Variants in SELP observed in about 807,000 individuals in gnomAD.
The protein encoded by SELP is selectin P.
A neutral mutation model predicts 104.1 loss-of-function variants in SELP; 92 were observed. That is an observed-to-expected ratio of 0.88 (90% confidence interval 0.75 to 1.05). The LOEUF is 1.05. Among genes scored for constraint, SELP ranks in the 50% least tolerant of loss-of-function variants. SELP has a pLI of 0.00. For synonymous variants in SELP, 397 were observed against 364.5 expected, an observed-to-expected ratio of 1.09 and a Z score of -1.01; for missense variants, 1,022 against 1,017.3, an observed-to-expected ratio of 1.00 and a Z score of -0.06.
At chr1:169,620,062 G>A (rs1663016714) in intron 1 of SELP, among the ~76,000 whole-genome samples, 1 of 152,022 alleles carries the variant, frequency 6.6e-6, no homozygotes, top group Non-Finnish European at 1.5e-5. Flanking sequence ...AAAAAAATTA[G>A]ACAGGTGTGG....
intron 3 of SELP, among the ~76,000 whole-genome samples, chr1:169,616,087 G>T (rs1042715471): frequency 6.6e-6 from 1 of 152,158 alleles, no homozygotes; most frequent in Admixed American, 6.5e-5. Flanking sequence ...ACTAGAGGAA[G>T]ACCAAGCTTT....
intron 1 of SELP, among the ~76,000 whole-genome samples, chr1:169,624,823 T>C (rs1663298715): frequency 6.6e-6 from 1 of 152,082 alleles, no homozygotes; most frequent in Admixed American, 6.5e-5. Flanking sequence ...AAGAAGCAAA[T>C]GCCTTGACCT....
At chr1:169,595,795 G>A (rs1045929586) in intron 12 of SELP, 130 bp downstream of exon 12, 39 of 763,060 alleles carry the variant, frequency 5.1e-5, no homozygotes, top group Non-Finnish European at 8.3e-5. Context: ...GATTGGTGTG[G>A]ATTTCATAAG....
chr1:169,612,875 C>T (rs1242634658), intron 5 of SELP, 54 bp downstream of exon 5: 1 of 1,444,020 alleles, frequency 6.9e-7, no homozygotes, highest in East Asian at 2.3e-5. Flanking sequence ...ATTGTGTCCT[C>T]TTCTCCCCCA....
chr1:169,618,626 C>T (rs908609517), intron 2 of SELP, among the ~76,000 whole-genome samples: 2 of 152,184 alleles, frequency 1.3e-5, no homozygotes, highest in African/African-American at 4.8e-5. Flanking sequence ...ATGCTTGTAC[C>T]TCCCTTGCTG....
At position 169,612,928 on chromosome 1, in the gene SELP, C is replaced by G. The variant is rs730880284; in HGVS notation, c.775+1G>C. 16 of 1,606,918 alleles carry G rather than the reference C, an allele frequency of 1.0e-5. No homozygotes were observed. In the African/African-American group the frequency reaches 1.6e-4, roughly 16 times the overall value. On this transcript the variant is annotated splice_donor_variant, in intron 5 of 16. Coordinates refer to ENST00000263686, the MANE Select transcript of SELP (RefSeq NM_003005.4). LOFTEE classifies it high-confidence loss of function. ...GGATGAAAAGAATAAGGTCTACATA[C>G]CTAAACACTGTGGAGGCTTATTTGT...
At chr1:169,600,986 G>A (rs1382400421) in intron 10 of SELP, among the ~76,000 whole-genome samples, 1 of 152,226 alleles carries the variant, frequency 6.6e-6, no homozygotes, top group African/African-American at 2.4e-5. Context: ...CAGAGAAAGG[G>A]GGGCTGGAAA....
chr1:169,617,536 G>A (rs1473620416), intron 2 of SELP, 122 bp from the exon 3 acceptor site: 6 of 1,002,694 alleles, frequency 6.0e-6, no homozygotes, highest in African/African-American at 1.6e-5. Flanking sequence ...ACAAAACAAC[G>A]ACTAGTTTAT....
At chr1:169,610,407 C>T (rs2235305) in intron 7 of SELP, among the ~76,000 whole-genome samples, 62,437 of 151,966 alleles carry the variant, frequency 0.41, 13,285 homozygotes, top group Middle Eastern at 0.51. Flanking sequence ...TAAAGCATTT[C>T]ATTTCCAGGC....
rs559702953 is a variant in SELP at position 169,610,512 on chromosome 1, T to C, written c.1148-823A>G. On this transcript the variant is annotated intron_variant, in intron 7 of 16. Transcript: ENST00000263686. ...ACTCAGAGCATTTAAGAACCAAAAA[T>C]CCGGCTGAGCACAATGGCTCACACC... 4.7e-4 allele frequency among the ~76,000 whole-genome samples: 72 copies of C among 152,158 alleles called. 1 individual carries two copies. In the South Asian group the frequency reaches 9.3e-3, roughly 20 times the overall value.
Position 169,613,649 on chromosome 1 carries a change from C to T in SELP, c.526G>A (p.Glu176Lys), listed in dbSNP as rs776190919. Residue 176 changes from glutamate to lysine, a missense_variant, in exon 4 of 17, where the codon GAG (glutamate) becomes AAG (lysine). Transcript: ENST00000263686. ...GAGCAGGTGTAGTTCCCGATGGTCT[C>T]GAGGCACTCTCCTTGTTTGCTGCAG... is the stretch of plus-strand genomic sequence containing the variant. ...MSCSKQGECL[E>K]TIGNYTCSCY... 4.5e-5 allele frequency: 73 copies of T among 1,613,798 alleles called. No homozygotes were observed. Among genetic ancestry groups the T allele is most frequent in the African/African-American group, 8.0e-5 (6 of 74,894 alleles).
rs781446112 is a variant in SELP at position 169,617,114 on chromosome 1, A to G, written c.395T>C (p.Val132Ala). 162 of 1,613,616 alleles carry G rather than the reference A, an allele frequency of 1.0e-4. No individual in the cohort carries two copies. Among genetic ancestry groups the G allele is most frequent in the Non-Finnish European group, 1.4e-4 (162 of 1,179,920 alleles). Reference sequence around the variant, plus strand: ...TGACGGACTCTTGATGTATATCTCCACGCAGTCCTCGTTGTTCCTTTTGTT... The same window carrying G: ...TGACGGACTCTTGATGTATATCTCCGCGCAGTCCTCGTTGTTCCTTTTGTT... The part of the protein sequence containing the change: ...PNNKRNNEDC[V>A]EIYIKSPSAP... Residue 132 changes from valine (V) to alanine (A), a missense_variant, in exon 3 of 17, where the codon GTG (valine) becomes GCG (alanine). Val to Ala is a moderately conservative substitution (Grantham distance 64, BLOSUM62 0). Transcript: ENST00000263686.
chr1:169,589,940 G>A (rs1237801295), intron 16 of SELP, among the ~76,000 whole-genome samples: 2 of 152,180 alleles, frequency 1.3e-5, no homozygotes, highest in Non-Finnish European at 2.9e-5. Flanking sequence ...TTCTGTCCTG[G>A]AGGAAATGAA....
At chr1:169,598,510 A>T (rs916495780) in intron 10 of SELP, among the ~76,000 whole-genome samples, 62 of 152,346 alleles carry the variant, frequency 4.1e-4, no homozygotes, top group African/African-American at 1.4e-3. Context: ...AGCCAAAATA[A>T]CACAGTGAAT....
chr1:169,620,890 TA>T (rs1663074632), intron 1 of SELP, among the ~76,000 whole-genome samples: 1 of 148,464 alleles, frequency 6.7e-6, no homozygotes, highest in Non-Finnish European at 1.5e-5. Flanking sequence ...GTTGTGTATG[TA>T]TGCGTGTGTC....
chr1:169,617,362 T>C lies in SELP; in HGVS notation c.147A>G (p.Lys49=), dbSNP rs747938437. 1 of 1,614,132 alleles carries C rather than the reference T, an allele frequency of 6.2e-7. No homozygotes were observed. The highest frequency in any genetic ancestry group is 8.5e-7 in the Non-Finnish European group (1 of 1,179,992). ...VAAWTYHYST[K]AYSWNISRKY... The stretch of plus-strand genomic sequence containing the variant: ...TACGGGAAATATTCCATGAGTATGC[T>C]TTTGTGCTGTAATGATAAGTCCATG... Residue 49 remains lysine, a synonymous_variant, in exon 3 of 17, where the codon AAA becomes AAG. Coordinates refer to ENST00000263686, the MANE Select transcript of SELP (RefSeq NM_003005.4).
intron 13 of SELP, 73 bp downstream of exon 13, chr1:169,594,619 G>A: frequency 8.2e-6 from 12 of 1,456,646 alleles, no homozygotes; most frequent in Non-Finnish European, 1.1e-5. Flanking sequence ...CTATGAGAAA[G>A]ACACAGGGAA....
rs75278502 is a variant in SELP at position 169,593,643 on chromosome 1, G to C, written c.2369C>G (p.Thr790Arg). Residue 790 changes from threonine to arginine, a missense_variant, in exon 14 of 17, where the codon ACG (threonine) becomes AGG (arginine). Coordinates refer to ENST00000263686, the MANE Select transcript of SELP (RefSeq NM_003005.4). ...ASTIGLIMGG[T>R]LLALLRKRFR... ...ACGCTTTCTTAGCAAAGCCAGGAGCGTCCCACCCATTATCAGACCTATCGT... is the reference window on the plus strand; with the variant it reads ...ACGCTTTCTTAGCAAAGCCAGGAGCCTCCCACCCATTATCAGACCTATCGT... 6.2e-7 allele frequency: 1 copy of C among 1,613,178 alleles called. No homozygotes were observed. Among genetic ancestry groups the C allele is most frequent in the Non-Finnish European group, 8.5e-7 (1 of 1,179,384 alleles).
At chr1:169,592,146 G>A (rs1343468706) in intron 14 of SELP, among the ~76,000 whole-genome samples, 2 of 152,210 alleles carry the variant, frequency 1.3e-5, no homozygotes, top group Admixed American at 1.3e-4. Flanking sequence ...TCTGCCTTCT[G>A]GGTTTGGTTG....
Sources: gnomAD v4.1 joint callset for allele counts (sites outside exome capture counted in the v4.1 genomes callset) on GRCh38, gnomAD v4.1.1 for gene constraint, MANE v1.5 for transcripts, NCBI Gene and HGNC (gene_info 2026-07-23, HGNC 2026-07-21) for gene names.